Variants in SYT17 observed in about 807,000 individuals in gnomAD.
SYT17 encodes the protein synaptotagmin-17.
In SYT17, 22 loss-of-function variants were observed where a neutral mutation model predicts 46.7. The observed-to-expected ratio is 0.47, with a 90% confidence interval of 0.34 to 0.67. The LOEUF (loss-of-function observed/expected upper bound fraction) is 0.67, where lower values mean the gene tolerates loss of function less well. SYT17 is among the 30% of genes least tolerant of loss of function. SYT17 has a pLI of 0.01. For synonymous variants in SYT17, 251 were observed against 248.4 expected (o/e 1.01, Z -0.10); for missense variants, 519 against 612.8 (o/e 0.85, Z 1.62).
chr16:19,181,390 G>A (rs960314171), intron 4 of SYT17, among the ~76,000 whole-genome samples: 1 of 152,074 alleles, frequency 6.6e-6, no homozygotes, highest in Non-Finnish European at 1.5e-5. Flanking sequence ...AGAGGGAAAA[G>A]CTTCAAATGC....
chr16:19,179,063 T>A (rs776033962), intron 3 of SYT17, among the ~76,000 whole-genome samples: 1 of 144,988 alleles, frequency 6.9e-6, no homozygotes, highest in Non-Finnish European at 1.5e-5. Context: ...GATCGATCAA[T>A]CAATAAAAAA....
intron 5 of SYT17, among the ~76,000 whole-genome samples, chr16:19,222,271 T>G (rs377072392): frequency 5.1e-4 from 78 of 151,966 alleles, no homozygotes; most frequent in African/African-American, 1.8e-3. Context: ...TATTGTTTTG[T>G]ATATGGCTGA....
intron 5 of SYT17, among the ~76,000 whole-genome samples, chr16:19,186,370 G>C (rs1442343976): frequency 2.0e-5 from 3 of 151,936 alleles, no homozygotes; most frequent in Non-Finnish European, 2.9e-5. Context: ...TGTAGTCCCA[G>C]CTACTCGGGA....
At chr16:19,249,229 A>G (rs11641273) in intron 7 of SYT17, among the ~76,000 whole-genome samples, 86,297 of 151,788 alleles carry the variant, frequency 0.57, 24,980 homozygotes, top group South Asian at 0.65. Context: ...AGCTGAGATC[A>G]TGCCACGGCA....
rs555251178 is a variant in SYT17 at position 19,188,840 on chromosome 16, C to G, written c.951+4693C>G. On this transcript the variant is annotated intron_variant, in intron 5 of 7. Coordinates refer to ENST00000355377, the MANE Select transcript of SYT17 (RefSeq NM_016524.4). ...AGCTGGAGCTGCATTGCTCTAATCC[C>G]TGTTCTAACGTCACATGGACATTTT... 3.9e-5 allele frequency among the ~76,000 whole-genome samples: 6 copies of G among 152,282 alleles called. No homozygotes were observed. In the East Asian group the frequency reaches 1.2e-3, roughly 29 times the overall value.
At position 19,223,170 on chromosome 16, in the gene SYT17, C is replaced by A. The variant is rs72779567; in HGVS notation, c.1072+5C>A. 1.2e-6 allele frequency: 2 copies of A among 1,612,854 alleles called. No homozygotes were observed. The highest frequency in any genetic ancestry group is 1.7e-6 in the Non-Finnish European group (2 of 1,179,090). Reference sequence around the variant, plus strand: ...CAGATGTGAGCCAAGGTTCAGGTACCGTGTGATTCCCCTCTTCTCTCACTT... The same window carrying A: ...CAGATGTGAGCCAAGGTTCAGGTACAGTGTGATTCCCCTCTTCTCTCACTT... On this transcript the variant is annotated splice_donor_5th_base_variant and intron_variant, in intron 6 of 7. Coordinates refer to ENST00000355377, the MANE Select transcript of SYT17 (RefSeq NM_016524.4).
chr16:19,183,913 G>A lies in SYT17; in HGVS notation c.717G>A (p.Gln239=). 1 of 1,614,216 alleles carries A rather than the reference G, an allele frequency of 6.2e-7. No individual in the cohort carries two copies. The highest frequency in any genetic ancestry group is 1.3e-5 in the African/African-American group (1 of 75,064). ...TCAAGATCTGTCTCCTGCCAGACCA[G>A]AAGAACTCAAAGCAGACCGGGGTCA... ...PYVKICLLPD[Q]KNSKQTGVKR... Residue 239 remains glutamine, a synonymous_variant, in exon 5 of 8, where the codon CAG becomes CAA. Transcript: ENST00000355377. The surrounding 1 kb of genome is among the most constrained non-coding windows in gnomAD (Gnocchi z 5.6).
intron 3 of SYT17, among the ~76,000 whole-genome samples, chr16:19,175,641 A>G (rs976742947): frequency 8.0e-6 from 1 of 125,450 alleles, no homozygotes; most frequent in South Asian, 2.5e-4. Flanking sequence ...ACAGAGCAAG[A>G]CTTCAAAAAA....
intron 1 of SYT17, 125 bp from the exon 2 acceptor site, chr16:19,172,635 C>CTTT (rs11388642): frequency 5.5e-5 from 79 of 1,440,170 alleles, no homozygotes; most frequent in Middle Eastern, 3.9e-4. Flanking sequence ...ATATGCAGGG[C>CTTT]TTTTTTTTTT....
chr16:19,260,453 T>A (rs1177767193), intron 7 of SYT17, among the ~76,000 whole-genome samples: 1 of 135,586 alleles, frequency 7.4e-6, no homozygotes, highest in Non-Finnish European at 1.5e-5. Context: ...GAAGTTGCAG[T>A]GACCTGAGAT....
intron 5 of SYT17, among the ~76,000 whole-genome samples, chr16:19,206,462 CTT>C (rs1339204990): frequency 2.6e-5 from 4 of 152,266 alleles, no homozygotes; most frequent in Admixed American, 1.3e-4. Flanking sequence ...GTCTGTAACT[CTT>C]TGTCTTTTGT....
rs965089401 is a variant in SYT17 at position 19,168,390 on chromosome 16, CG to C, written c.-252del. ...CACGGGACAGCGAGGGAGGCCGAGG[CG>C]GGGGCCCTGGGCGCCCGATATCTCC... is the stretch of plus-strand genomic sequence containing the variant. On this transcript the variant is annotated 5_prime_UTR_variant, in exon 1 of 8. Coordinates refer to ENST00000355377, the MANE Select transcript of SYT17 (RefSeq NM_016524.4). The surrounding 1 kb of genome is among the most constrained non-coding windows in gnomAD (Gnocchi z 6.9). 110 of 554,148 alleles carry C rather than the reference CG, an allele frequency of 2.0e-4. 2 individuals are homozygous for C. In the Admixed American group the frequency reaches 3.8e-3, roughly 19 times the overall value. The allele number at this position is 554,148 out of a possible 1,614,324, so 34.3% of individuals were successfully genotyped here.
intron 5 of SYT17, among the ~76,000 whole-genome samples, chr16:19,201,158 A>G (rs943822474): frequency 2.0e-5 from 3 of 152,106 alleles, no homozygotes; most frequent in Admixed American, 6.6e-5. Flanking sequence ...GAGAGAGGAA[A>G]TTGGTTTCTG....
At chr16:19,263,758 C>G (rs954515137) in intron 7 of SYT17, among the ~76,000 whole-genome samples, 1 of 150,836 alleles carries the variant, frequency 6.6e-6, no homozygotes, top group African/African-American at 2.4e-5. Context: ...ATCTGATGAA[C>G]AGATAAGCAA....
At chr16:19,245,680 C>T (rs1046934973) in intron 7 of SYT17, among the ~76,000 whole-genome samples, 2 of 152,172 alleles carry the variant, frequency 1.3e-5, no homozygotes, top group African/African-American at 2.4e-5. Context: ...TCCCTGTCTC[C>T]ACCCATAAAA....
At chr16:19,170,783 C>T (rs1445146307) in intron 1 of SYT17, 1 of 152,164 alleles carries the variant, frequency 6.6e-6, no homozygotes, top group Non-Finnish European at 1.5e-5. Flanking sequence ...TCCTAACATT[C>T]TAAAGCACTT....
chr16:19,185,979 G>C (rs193097432), intron 5 of SYT17, among the ~76,000 whole-genome samples: 2 of 152,312 alleles, frequency 1.3e-5, no homozygotes, highest in Admixed American at 1.3e-4. Flanking sequence ...CCTTCTTGCG[G>C]TAGAGGAGCT....
intron 4 of SYT17, among the ~76,000 whole-genome samples, chr16:19,181,702 GA>G (rs11359520): frequency 0.61 from 87,332 of 144,240 alleles, 26,319 homozygotes; most frequent in African/African-American, 0.74. Context: ...GGACAGTGAG[GA>G]AAAAAAAAAA....
intron 3 of SYT17, among the ~76,000 whole-genome samples, chr16:19,178,467 C>G (rs1052059983): frequency 6.6e-6 from 1 of 151,750 alleles, no homozygotes; most frequent in African/African-American, 2.4e-5. Flanking sequence ...AATTTTTGTA[C>G]TTTTAATAGA....
Sources: gnomAD v4.1 joint callset for allele counts (sites outside exome capture counted in the v4.1 genomes callset) on GRCh38, gnomAD v4.1.1 for gene constraint, Gnocchi (gnomAD v3.1) non-coding constraint, MANE v1.5 for transcripts, NCBI Gene and HGNC (gene_info 2026-07-23, HGNC 2026-07-21) for gene names.